UMODL1: variants seen among roughly 807,000 people sequenced by gnomAD.
UMODL1 encodes the protein uromodulin like 1, also known as uromodulin-like 1.
In UMODL1, 128 loss-of-function variants were observed where a neutral mutation model predicts 136.3. The ratio of observed to expected loss-of-function variants is 0.94; its 90% CI spans 0.81 to 1.09. The LOEUF is 1.09. Ranked by LOEUF, UMODL1 falls within the 50% of genes least tolerant of loss-of-function variation. The pLI, the probability that UMODL1 is intolerant of heterozygous loss-of-function variation, is 0.00. For missense variants in UMODL1, 1,766 were observed against 1,725.6 expected, an observed-to-expected ratio of 1.02 and a Z score of -0.41; for synonymous variants, 721 against 720.0, an observed-to-expected ratio of 1.00 and a Z score of -0.02.
chr21:42,080,268 C>T (rs992171185), intron 2 of UMODL1, among the ~76,000 whole-genome samples: 10 of 152,188 alleles, frequency 6.6e-5, no homozygotes, highest in African/African-American at 1.9e-4. Context: ...TTGTACAGAA[C>T]GAAGCAGGGC....
chr21:42,103,698 T>C, intron 8 of UMODL1, 170 bp from the exon 9 acceptor site: 1 of 794,314 alleles, frequency 1.3e-6, no homozygotes, highest in Non-Finnish European at 2.2e-6. Flanking sequence ...CCAGCTAAGG[T>C]GCTGTGAACG....
intron 22 of UMODL1, among the ~76,000 whole-genome samples, chr21:42,140,834 G>A (rs1213480613): frequency 6.6e-6 from 1 of 152,156 alleles, no homozygotes; most frequent in Non-Finnish European, 1.5e-5. Flanking sequence ...CAACAGCGAA[G>A]TTTCAGTTCA....
At chr21:42,128,595 C>T (rs925183846) in intron 20 of UMODL1, among the ~76,000 whole-genome samples, 27 of 152,210 alleles carry the variant, frequency 1.8e-4, no homozygotes, top group African/African-American at 5.8e-4. Context: ...GTCTGTTTTG[C>T]TCAAACACTA....
intron 6 of UMODL1, among the ~76,000 whole-genome samples, chr21:42,092,654 G>T (rs915197714): frequency 7.9e-5 from 12 of 152,184 alleles, no homozygotes; most frequent in Admixed American, 6.5e-4. Context: ...TATCCAATTT[G>T]AATTCGTTAA....
rs2066867577 is a variant in UMODL1 at position 42,113,722 on chromosome 21, A to G, written c.2254A>G (p.Thr752Ala). 9 of 1,614,098 alleles carry G rather than the reference A, an allele frequency of 5.6e-6. No individual in the cohort carries two copies. The highest frequency in any genetic ancestry group is 7.6e-6 in the Non-Finnish European group (9 of 1,180,020). ...TGCTGTGGTCCTAGAGACCTGGAAC[A>G]CGAGTGTGACACTGTCGGGGCTGGA... is the stretch of plus-strand genomic sequence containing the variant. ...SPAVVLETWN[T>A]SVTLSGLEPG... is the part of the protein sequence containing the mutation. Residue 752 changes from threonine to alanine, a missense_variant, in exon 13 of 23, where the codon ACG (threonine) becomes GCG (alanine). Coordinates refer to ENST00000408910, the MANE Select transcript of UMODL1 (RefSeq NM_001004416.3).
At position 42,109,704 on chromosome 21, in the gene UMODL1, G is replaced by A. The variant is rs749850738; in HGVS notation, c.1657+5G>A. The stretch of plus-strand genomic sequence containing the variant: ...GCGCAGGCCGGGCCTGTGAGGGTAC[G>A]TGTCGACCCCCCTGCCGACTCTGGG... On this transcript the variant is annotated splice_donor_5th_base_variant and intron_variant, in intron 10 of 22. Coordinates refer to ENST00000408910, the MANE Select transcript of UMODL1 (RefSeq NM_001004416.3). The A allele has an allele frequency of 7.4e-5, 118 of 1,600,630 alleles. No homozygotes were observed. The highest frequency in any genetic ancestry group is 9.2e-5 in the Non-Finnish European group (108 of 1,179,744).
intron 20 of UMODL1, among the ~76,000 whole-genome samples, chr21:42,128,766 C>T (rs2067095708): frequency 6.6e-6 from 1 of 152,220 alleles, no homozygotes; most frequent in Non-Finnish European, 1.5e-5. Context: ...GCGGCTGGCT[C>T]TCAAGTTCTC....
intron 7 of UMODL1, 165 bp from the exon 8 acceptor site, chr21:42,102,001 C>A: frequency 5.4e-6 from 3 of 559,784 alleles, no homozygotes; most frequent in Admixed American, 3.2e-5. Flanking sequence ...TTTATTCTCT[C>A]GTTTCTTACA....
In UMODL1 at chr21:42,111,622, G is replaced by A. The variant is rs775488352; in HGVS notation, c.2016G>A (p.Thr672=). 7.4e-6 allele frequency: 12 copies of A among 1,613,992 alleles called. No individual in the cohort carries two copies. The highest frequency in any genetic ancestry group is 1.1e-5 in the South Asian group (1 of 91,086). Residue 672 remains threonine, a synonymous_variant, in exon 12 of 23, where the codon ACG becomes ACA. Coordinates refer to ENST00000408910, the MANE Select transcript of UMODL1 (RefSeq NM_001004416.3). ...RSTRETLLNP[T]WLRNEDSGPS... is the part of the protein sequence containing the mutation. ...CCCGGGAAACACTTCTGAATCCCACGTGGCTGCGAAATGAGGACAGTGGAC... is the reference window on the plus strand; with the variant it reads ...CCCGGGAAACACTTCTGAATCCCACATGGCTGCGAAATGAGGACAGTGGAC...
chr21:42,092,360 G>T (rs1196959524), intron 6 of UMODL1, among the ~76,000 whole-genome samples: 1 of 151,524 alleles, frequency 6.6e-6, no homozygotes, highest in African/African-American at 2.4e-5. Context: ...TCCAGGTTTT[G>T]ACCTTATTGA....
Position 42,122,953 on chromosome 21 carries a change from AACCTG to A in UMODL1, c.2954_2958del (p.Leu985ArgfsTer8), listed in dbSNP as rs1227950654. On this transcript the variant is annotated frameshift_variant, in exon 17 of 23. Transcript: ENST00000408910. LOFTEE classifies it high-confidence loss of function. The surrounding 1 kb of genome is among the most constrained non-coding windows in gnomAD (Gnocchi z 4.3). ...CCCCCAAGGCCTGCCCCAGCGGCTG[AACCTG>A]ACCGGAGCAGTCAGGGTGCTCTGTG... 1.2e-6 allele frequency: 2 copies of A among 1,613,914 alleles called. No homozygotes were observed. Among genetic ancestry groups the A allele is most frequent in the Non-Finnish European group, 1.7e-6 (2 of 1,180,040 alleles).
intron 6 of UMODL1, among the ~76,000 whole-genome samples, chr21:42,092,059 C>G (rs1428573278): frequency 6.6e-6 from 1 of 152,176 alleles, no homozygotes; most frequent in African/African-American, 2.4e-5. Context: ...AGCTGGCCGG[C>G]AAGCAGGGAG....
chr21:42,069,229 A>ACACAC (rs2066208132), upstream of UMODL1, among the ~76,000 whole-genome samples: 1 of 136,304 alleles, frequency 7.3e-6, no homozygotes, highest in African/African-American at 2.7e-5. Flanking sequence ...CACAGACAGA[A>ACACAC]ACACACACAC....
intron 4 of UMODL1, 59 bp from the exon 5 acceptor site, chr21:42,088,235 C>T (rs866902517): frequency 1.9e-6 from 3 of 1,570,520 alleles, no homozygotes; most frequent in Admixed American, 1.7e-5. Context: ...GCCTCAGTCT[C>T]CTCGTCTGTC....
rs749807756 is a variant in UMODL1, at chr21:42,121,233, G to A, written c.2827+9G>A. ...TGAGAGACCCTGTGAAGGTAATGTCGTCAGAGTTTCTTCTTCTGGAATACT... is the reference window on the plus strand; with the variant it reads ...TGAGAGACCCTGTGAAGGTAATGTCATCAGAGTTTCTTCTTCTGGAATACT... On this transcript the variant is annotated intron_variant, in intron 16 of 22. Transcript: ENST00000408910. 10 of 1,602,036 alleles carry A rather than the reference G, an allele frequency of 6.2e-6. No homozygotes were observed. In the East Asian group the frequency reaches 9.0e-5, roughly 14 times the overall value.
rs537344647 is a variant in UMODL1, at chr21:42,105,297, G to A, written c.1519+1210G>A. 3.5e-3 allele frequency among the ~76,000 whole-genome samples: 534 copies of A among 152,248 alleles called. 3 individuals carry two copies. The highest frequency in any genetic ancestry group is 0.012 in the African/African-American group (499 of 41,534). On this transcript the variant is annotated intron_variant, in intron 9 of 22. Transcript: ENST00000408910. ...AGCAGGGTCCTCAGTGTGTGACCCC[G>A]TGATCCAACCTTCAGGCGGATCCAG...
Position 42,088,192 on chromosome 21 carries a change from C to T in UMODL1, c.604-102C>T, listed in dbSNP as rs1208449360. 2.7e-5 allele frequency: 33 copies of T among 1,236,160 alleles called. No homozygotes were observed. The East Asian group carries it at 5.4e-4, about 20-fold the overall frequency. The allele number at this position is 1,236,160 out of a possible 1,614,324, so 76.6% of individuals were successfully genotyped here. ...TTCTTTGCTGAAGAGCAGAATGGTA[C>T]GTGTGTGTGGACAGTTCATTTCAGC... On this transcript the variant is annotated intron_variant, in intron 4 of 22. Transcript: ENST00000408910.
chr21:42,127,036 C>G lies in UMODL1; in HGVS notation c.3324C>G (p.Gly1108=). 6.2e-7 allele frequency: 1 copy of G among 1,614,182 alleles called. No individual in the cohort carries two copies. Among genetic ancestry groups the G allele is most frequent in the Non-Finnish European group, 8.5e-7 (1 of 1,180,018 alleles). The change falls in exon 19 of 23, where the codon GGC becomes GGG. Residue 1108 remains glycine (G), a synonymous_variant. Coordinates refer to ENST00000408910, the MANE Select transcript of UMODL1 (RefSeq NM_001004416.3). ...ACACCATCATCGAGGACCTCCACGGCGCTGGGAATTTTGTTACCGAAATGC... is the reference window on the plus strand; with the variant it reads ...ACACCATCATCGAGGACCTCCACGGGGCTGGGAATTTTGTTACCGAAATGC... The part of the protein sequence containing the change: ...GVYTIIEDLH[G]AGNFVTEMQL...
rs537737038 is a variant in UMODL1, at chr21:42,130,535, G to A, written c.3775+738G>A. The stretch of plus-strand genomic sequence containing the variant: ...GTTCTCCTCCCCTTTCATAGAAATA[G>A]CGTCCCCAGGTTTTGCTGGTACATG... On this transcript the variant is annotated intron_variant, in intron 21 of 22. Transcript: ENST00000408910. 2.6e-5 allele frequency among the ~76,000 whole-genome samples: 4 copies of A among 152,286 alleles called. No individual in the cohort carries two copies. The South Asian group carries it at 6.2e-4, about 24-fold the overall frequency.
Sources: gnomAD v4.1 joint callset for allele counts (sites outside exome capture counted in the v4.1 genomes callset) on GRCh38, gnomAD v4.1.1 for gene constraint, Gnocchi (gnomAD v3.1) non-coding constraint, MANE v1.5 for transcripts, NCBI Gene and HGNC (gene_info 2026-07-23, HGNC 2026-07-21) for gene names.